Variants in KDM4C observed in about 807,000 individuals in gnomAD.
KDM4C encodes the protein lysine-specific demethylase 4C.
KDM4C carries 81 observed loss-of-function variants against 129.3 expected under a neutral mutation model. The ratio of observed to expected loss-of-function variants is 0.63; its 90% CI spans 0.52 to 0.75. KDM4C has a LOEUF of 0.75. Ranked by LOEUF, KDM4C falls within the 30% of genes least tolerant of loss-of-function variation. The pLI is 0.00. For synonymous variants in KDM4C, 573 were observed against 456.1 expected (o/e 1.26, Z -3.26); for missense variants, 1,457 against 1,304.0 (o/e 1.12, Z -1.81).
chr9:6,763,881 C>A (rs528223591), intron 1 of KDM4C, among the ~76,000 whole-genome samples: 24 of 152,300 alleles, frequency 1.6e-4, no homozygotes, highest in African/African-American at 5.5e-4. Context: ...CCTCAGCTTC[C>A]TGAGTAGCTG....
intron 17 of KDM4C, chr9:7,076,964 C>A (rs182351877): frequency 8.1e-6 from 8 of 985,696 alleles, no homozygotes; most frequent in Non-Finnish European, 3.6e-6. Context: ...ACATCACAGG[C>A]CCAGAGGCTT....
intron 17 of KDM4C, among the ~76,000 whole-genome samples, chr9:7,081,759 A>C (rs1402850918): frequency 6.6e-6 from 1 of 152,188 alleles, no homozygotes; most frequent in South Asian, 2.1e-4. Flanking sequence ...GATTTCCACT[A>C]TTTGCAAAGC....
chr9:6,799,213 C>T (rs1203898324), intron 2 of KDM4C, among the ~76,000 whole-genome samples: 3 of 152,160 alleles, frequency 2.0e-5, no homozygotes, highest in African/African-American at 2.4e-5. Flanking sequence ...CCAAGGCAGG[C>T]GGCTGGGAGG....
At chr9:6,728,629 G>A (rs1446980275) in intron 1 of KDM4C, among the ~76,000 whole-genome samples, 3 of 151,140 alleles carry the variant, frequency 2.0e-5, no homozygotes, top group Non-Finnish European at 4.4e-5. Flanking sequence ...GGCGGATCAC[G>A]AGGTCAGGAG....
intron 15 of KDM4C, among the ~76,000 whole-genome samples, chr9:7,024,662 CTCA>C (rs1488245357): frequency 6.6e-6 from 1 of 152,144 alleles, no homozygotes; most frequent in Non-Finnish European, 1.5e-5. Flanking sequence ...AGGGCATGAA[CTCA>C]TCATTTTTTA....
At chr9:7,092,338 G>A (rs182648300) in intron 17 of KDM4C, among the ~76,000 whole-genome samples, 2 of 152,106 alleles carry the variant, frequency 1.3e-5, no homozygotes, top group African/African-American at 2.4e-5. Flanking sequence ...TCTGCCAGGT[G>A]GGGGTAAGGG....
chr9:7,071,633 A>G (rs992976792), intron 17 of KDM4C, among the ~76,000 whole-genome samples: 2 of 152,214 alleles, frequency 1.3e-5, no homozygotes, highest in Non-Finnish European at 2.9e-5. Context: ...AAATTGGATC[A>G]TAAACAAACA....
intron 4 of KDM4C, among the ~76,000 whole-genome samples, chr9:6,838,994 A>T (rs528910291): frequency 6.6e-6 from 1 of 152,316 alleles, no homozygotes; most frequent in African/African-American, 2.4e-5. Flanking sequence ...TCTTTAAAGA[A>T]CTAACCAAAT....
intron 12 of KDM4C, among the ~76,000 whole-genome samples, chr9:7,003,882 T>C (rs1275145259): frequency 6.6e-6 from 1 of 152,186 alleles, no homozygotes; most frequent in Non-Finnish European, 1.5e-5. Context: ...CCTTTTTGAG[T>C]ATCTCACTTC....
chr9:6,849,886 C>T (rs2130121498), intron 5 of KDM4C, among the ~76,000 whole-genome samples, 186 bp downstream of exon 5: 1 of 152,214 alleles, frequency 6.6e-6, no homozygotes, highest in East Asian at 1.9e-4. Flanking sequence ...ACCATAAACC[C>T]CATGGTAACT....
At position 6,787,594 on chromosome 9, in the gene KDM4C, C is replaced by G. The variant is rs191886780; in HGVS notation, c.-17-5378C>G. Among the ~76,000 whole-genome samples, 364 of 152,334 alleles carry G rather than the reference C, an allele frequency of 2.4e-3. 2 individuals are homozygous for G. The highest frequency in any genetic ancestry group is 8.4e-3 in the African/African-American group (350 of 41,590). On this transcript the variant is annotated intron_variant, in intron 1 of 21. Coordinates refer to ENST00000381309, the MANE Select transcript of KDM4C (RefSeq NM_015061.6). ...TGATTCGTATTTCTCTTACTTCTGT[C>G]AAGAAATTTTGTTCAGAATGTATTT...
chr9:6,745,026 A>T (rs368404818), intron 1 of KDM4C, among the ~76,000 whole-genome samples: 1 of 151,470 alleles, frequency 6.6e-6, no homozygotes, highest in South Asian at 2.1e-4. Context: ...CTGCCCTTTC[A>T]CCTTTGACCC....
At chr9:6,946,442 A>G (rs1293314029) in intron 8 of KDM4C, among the ~76,000 whole-genome samples, 3 of 152,076 alleles carry the variant, frequency 2.0e-5, no homozygotes, top group Non-Finnish European at 2.9e-5. Flanking sequence ...TCAGTTTTTG[A>G]TTTATTTAAC....
At chr9:6,766,265 A>T (rs1453062110) in intron 1 of KDM4C, among the ~76,000 whole-genome samples, 1 of 152,120 alleles carries the variant, frequency 6.6e-6, no homozygotes, top group Non-Finnish European at 1.5e-5. Flanking sequence ...TGAAATGAGC[A>T]TTTACTTTGA....
intron 2 of KDM4C, among the ~76,000 whole-genome samples, chr9:6,793,459 A>G (rs185238899): frequency 6.6e-6 from 1 of 151,884 alleles, no homozygotes; most frequent in East Asian, 1.9e-4. Flanking sequence ...TTTTGTAGAC[A>G]ACAATTATTA....
At chr9:7,101,065 C>T (rs12343598) in intron 17 of KDM4C, among the ~76,000 whole-genome samples, 4,414 of 152,134 alleles carry the variant, frequency 0.029, 176 homozygotes, top group African/African-American at 0.1. Context: ...GGGGTTGGGC[C>T]TGGATAGATG....
At chr9:7,074,749 T>A (rs1198606806) in intron 17 of KDM4C, among the ~76,000 whole-genome samples, 1 of 152,216 alleles carries the variant, frequency 6.6e-6, no homozygotes, top group Non-Finnish European at 1.5e-5. Context: ...GAATTAGTTG[T>A]TTTGCTGAGC....
intron 15 of KDM4C, among the ~76,000 whole-genome samples, chr9:7,035,939 T>C (rs1827573533): frequency 6.6e-6 from 1 of 152,198 alleles, no homozygotes; most frequent in African/African-American, 2.4e-5. Flanking sequence ...AGCTTTGATA[T>C]TTGCTTAAGC....
chr9:6,813,129 C>G (rs1172245636), intron 3 of KDM4C, among the ~76,000 whole-genome samples: 1 of 152,064 alleles, frequency 6.6e-6, no homozygotes. Context: ...GAGCCGAGAT[C>G]GTGCCGCTGT....
Sources: gnomAD v4.1 joint callset for allele counts (sites outside exome capture counted in the v4.1 genomes callset) on GRCh38, gnomAD v4.1.1 for gene constraint, MANE v1.5 for transcripts, NCBI Gene and HGNC (gene_info 2026-07-23, HGNC 2026-07-21) for gene names.